PALLD: variants seen among roughly 807,000 people sequenced by gnomAD.
PALLD encodes palladin.
PALLD carries 61 observed loss-of-function variants against 123.5 expected under a neutral mutation model. The observed-to-expected ratio is 0.49, with a 90% CI of 0.40 to 0.61. PALLD has a LOEUF of 0.61. PALLD is among the 20% of genes least tolerant of loss of function. The probability of loss-of-function intolerance (pLI) is 0.00; values close to 1 mark genes in which losing one functional copy is unlikely to be tolerated. For synonymous variants in PALLD, 465 were observed against 496.4 expected (o/e 0.94, Z 0.84); for missense variants, 1,273 against 1,377.0 (o/e 0.92, Z 1.20).
intron 10 of PALLD, among the ~76,000 whole-genome samples, chr4:168,763,015 G>C (rs535931555): frequency 1.1e-4 from 16 of 152,050 alleles, no homozygotes; most frequent in Non-Finnish European, 2.2e-4. Flanking sequence ...TCACACACTG[G>C]GGCCTGTTGG....
intron 2 of PALLD, among the ~76,000 whole-genome samples, chr4:168,575,572 T>G (rs1007364637): frequency 3.9e-5 from 6 of 151,936 alleles, no homozygotes; most frequent in East Asian, 3.9e-4. Flanking sequence ...CCCAGATTTT[T>G]TATTGGTGAG....
chr4:168,704,003 CA>C (rs1041818063), intron 8 of PALLD, among the ~76,000 whole-genome samples: 200 of 152,198 alleles, frequency 1.3e-3, no homozygotes, highest in African/African-American at 4.7e-3. Flanking sequence ...CTACAGTAAC[CA>C]AAACAGCATG....
At chr4:168,628,914 A>T (rs555454893) in intron 2 of PALLD, among the ~76,000 whole-genome samples, 11 of 152,336 alleles carry the variant, frequency 7.2e-5, no homozygotes, top group African/African-American at 2.2e-4. Context: ...GTTTGTTTCC[A>T]AACAAATGAA....
At chr4:168,907,789 C>T (rs143800746) in intron 15 of PALLD, among the ~76,000 whole-genome samples, 86 of 152,224 alleles carry the variant, frequency 5.6e-4, no homozygotes, top group Admixed American at 1.8e-3. Flanking sequence ...TCCTATCCAA[C>T]CTGTGATTTC....
intron 10 of PALLD, among the ~76,000 whole-genome samples, chr4:168,878,883 G>A (rs1219559518): frequency 2.0e-5 from 3 of 152,146 alleles, no homozygotes; most frequent in East Asian, 1.9e-4. Context: ...CAAACTATGT[G>A]TTTTATTATA....
chr4:168,918,394 T>C (rs1405316849), intron 17 of PALLD, among the ~76,000 whole-genome samples: 1 of 151,862 alleles, frequency 6.6e-6, no homozygotes, highest in Non-Finnish European at 1.5e-5. Context: ...ACAACATGGA[T>C]GAACCTGGAG....
chr4:168,839,426 G>A (rs925048567), intron 10 of PALLD, among the ~76,000 whole-genome samples: 1 of 152,138 alleles, frequency 6.6e-6, no homozygotes, highest in Non-Finnish European at 1.5e-5. Flanking sequence ...TAGTCAATGG[G>A]AAACGGGAAA....
intron 2 of PALLD, among the ~76,000 whole-genome samples, chr4:168,633,919 G>A (rs1776084244): frequency 6.6e-6 from 1 of 152,126 alleles, no homozygotes; most frequent in South Asian, 2.1e-4. Context: ...TTCAAAGTCT[G>A]TATACTTAGC....
chr4:168,635,978 G>A (rs1409812725), intron 2 of PALLD, among the ~76,000 whole-genome samples: 1 of 152,212 alleles, frequency 6.6e-6, no homozygotes, highest in Non-Finnish European at 1.5e-5. Flanking sequence ...CCTTGAACCA[G>A]CTATTTAGTA....
At chr4:168,605,634 G>T (rs958787101) in intron 2 of PALLD, among the ~76,000 whole-genome samples, 2 of 152,176 alleles carry the variant, frequency 1.3e-5, no homozygotes, top group African/African-American at 4.8e-5. Flanking sequence ...CTGAACGTGG[G>T]CTCTGCAGAG....
At chr4:168,857,952 T>C (rs1324459348) in intron 10 of PALLD, among the ~76,000 whole-genome samples, 14 of 152,258 alleles carry the variant, frequency 9.2e-5, no homozygotes, top group Admixed American at 8.5e-4. Flanking sequence ...GTGTTACTAT[T>C]ACTACTGTTG....
intron 2 of PALLD, among the ~76,000 whole-genome samples, chr4:168,597,751 GA>G (rs537491742): frequency 1.1e-3 from 172 of 151,834 alleles, no homozygotes; most frequent in Non-Finnish European, 1.6e-3. Flanking sequence ...TGATAAATTT[GA>G]AAAAAACTCT....
intron 2 of PALLD, among the ~76,000 whole-genome samples, chr4:168,580,829 A>G (rs1265145268): frequency 6.6e-6 from 1 of 152,062 alleles, no homozygotes; most frequent in Non-Finnish European, 1.5e-5. Context: ...AGGAACATGG[A>G]TGGTGCTAGA....
chr4:168,536,089 A>G (rs765956294), intron 2 of PALLD, among the ~76,000 whole-genome samples: 8 of 152,218 alleles, frequency 5.3e-5, no homozygotes, highest in Non-Finnish European at 1.2e-4. Flanking sequence ...TAAGGTTAAC[A>G]GCTTTCTGTT....
intron 10 of PALLD, among the ~76,000 whole-genome samples, chr4:168,728,871 C>G (rs187892692): frequency 6.6e-6 from 1 of 152,108 alleles, no homozygotes; most frequent in Non-Finnish European, 1.5e-5. Flanking sequence ...ACTCTTCCCC[C>G]CAAGGCCCCA....
intron 2 of PALLD, among the ~76,000 whole-genome samples, chr4:168,621,429 T>C (rs968242286): frequency 1.3e-5 from 2 of 152,200 alleles, no homozygotes; most frequent in African/African-American, 4.8e-5. Context: ...GAACTCCCGC[T>C]GGGGCCGCTA....
chr4:168,873,068 A>G (rs1751292576), intron 10 of PALLD, among the ~76,000 whole-genome samples: 1 of 152,234 alleles, frequency 6.6e-6, no homozygotes, highest in African/African-American at 2.4e-5. Flanking sequence ...ACCTACCTTC[A>G]TTTGAAAATT....
intron 10 of PALLD, among the ~76,000 whole-genome samples, chr4:168,771,078 A>AAACAAAAC (rs58430179): frequency 2.3e-5 from 3 of 130,824 alleles, no homozygotes; most frequent in Non-Finnish European, 5.4e-5. Flanking sequence ...AAAAAAAACA[A>AAACAAAAC]AAAAAAAACC....
chr4:168,692,785 T>A (rs1782750576), intron 8 of PALLD, among the ~76,000 whole-genome samples: 1 of 152,250 alleles, frequency 6.6e-6, no homozygotes, highest in South Asian at 2.1e-4. Flanking sequence ...CTTTTGACAT[T>A]GCGTTTTGGA....
Sources: allele counts gnomAD v4.1 joint callset (sites outside exome capture counted in the v4.1 genomes callset), GRCh38; gene constraint gnomAD v4.1.1; transcripts MANE v1.5; gene names NCBI Gene and HGNC (gene_info 2026-07-23, HGNC 2026-07-21).